The following FAM117B variants were observed in gnomAD, a reference collection of about 807,000 sequenced individuals.
The protein encoded by FAM117B is protein FAM117B.
FAM117B carries 22 observed loss-of-function variants against 52.8 expected under a neutral mutation model. The observed-to-expected ratio is 0.42, with a 90% CI of 0.30 to 0.59. The LOEUF (loss-of-function observed/expected upper bound fraction) is 0.59. Ranked by LOEUF, FAM117B falls within the 20% of genes least tolerant of loss-of-function variation. The pLI, the probability that FAM117B is intolerant of heterozygous loss-of-function variation, is 0.22. For synonymous variants in FAM117B, 309 were observed against 324.1 expected, an observed-to-expected ratio of 0.95 and a Z score of 0.50; for missense variants, 678 against 802.6, an observed-to-expected ratio of 0.84 and a Z score of 1.88.
intron 1 of FAM117B, among the ~76,000 whole-genome samples, chr2:202,668,040 G>T (rs1361065322): frequency 1.4e-5 from 2 of 146,622 alleles, no homozygotes; most frequent in South Asian, 2.1e-4. Context: ...ACACAGTAAG[G>T]CTCCATCTTT....
At chr2:202,728,936 C>T (rs1691298230) in intron 4 of FAM117B, among the ~76,000 whole-genome samples, 1 of 152,192 alleles carries the variant, frequency 6.6e-6, no homozygotes, top group Non-Finnish European at 1.5e-5. Context: ...ACACTTGACA[C>T]ATCAAGCGTC....
At chr2:202,668,475 C>T (rs1410383844) in intron 1 of FAM117B, among the ~76,000 whole-genome samples, 1 of 135,790 alleles carries the variant, frequency 7.4e-6, no homozygotes, top group Admixed American at 8.0e-5. Context: ...TTGCAGTGAG[C>T]TGAGATCACG....
intron 1 of FAM117B, among the ~76,000 whole-genome samples, chr2:202,685,660 G>T (rs1449074844): frequency 6.6e-6 from 1 of 152,166 alleles, no homozygotes; most frequent in Non-Finnish European, 1.5e-5. Flanking sequence ...CTCGATAAAG[G>T]TTCCTAAGGT....
rs532232945 is a variant in FAM117B, at chr2:202,686,802, G to A, written c.602-9079G>A. Among the ~76,000 whole-genome samples, 5 of 142,188 alleles carry A rather than the reference G, an allele frequency of 3.5e-5. No homozygotes were observed. The South Asian group carries it at 7.7e-4, about 22-fold the overall frequency. The allele number at this position is 142,188 out of a possible 152,430, so 93.3% of individuals were successfully genotyped here. A position where few individuals can be genotyped will look rare whatever the true frequency, so the allele number is the denominator to read the frequency against. The stretch of plus-strand genomic sequence containing the variant: ...CAGCCTGGACAACAGAATGAGATTC[G>A]GTCAAAAAAAAAAAAAGAGGTATTA... On this transcript the variant is annotated intron_variant, in intron 1 of 7. Transcript: ENST00000392238.
chr2:202,709,265 T>G (rs1490822674), intron 2 of FAM117B, among the ~76,000 whole-genome samples: 2 of 149,304 alleles, frequency 1.3e-5, no homozygotes, highest in Non-Finnish European at 3.0e-5. Flanking sequence ...TACAATGGAG[T>G]GATCTCAATT....
chr2:202,635,925 CG>C lies in FAM117B; in HGVS notation c.601+139del. 2 of 855,868 alleles carry C rather than the reference CG, an allele frequency of 2.3e-6. 1 individual carries two copies. Among genetic ancestry groups the C allele is most frequent in the Non-Finnish European group, 2.8e-6 (2 of 719,890 alleles). The allele number at this position is 855,868 out of a possible 1,614,324, so 53.0% of individuals were successfully genotyped here. ...GGGCGGGGCTGGGGGCGGTGCCGGG[CG>C]GTGGGGGACCCGGCAGTGCGGCCCC... On this transcript the variant is annotated intron_variant, in intron 1 of 7. Transcript: ENST00000392238.
At chr2:202,670,295 T>C (rs1423487151) in intron 1 of FAM117B, among the ~76,000 whole-genome samples, 1 of 146,606 alleles carries the variant, frequency 6.8e-6, no homozygotes, top group Non-Finnish European at 1.5e-5. Context: ...TTTCTTTTTT[T>C]TTTCTTTTTT....
chr2:202,653,167 C>A (rs1689981561), intron 1 of FAM117B, among the ~76,000 whole-genome samples: 1 of 152,004 alleles, frequency 6.6e-6, no homozygotes, highest in Non-Finnish European at 1.5e-5. Context: ...GCTTAGGGGG[C>A]TGCGGTGGAA....
At chr2:202,662,698 G>T (rs1204763676) in intron 1 of FAM117B, among the ~76,000 whole-genome samples, 1 of 151,996 alleles carries the variant, frequency 6.6e-6, no homozygotes, top group Non-Finnish European at 1.5e-5. Context: ...AAAATTAGCT[G>T]GGCATGGTGG....
chr2:202,757,800 AATACAAAGCCTTC>A (rs1691826544), intron 6 of FAM117B, among the ~76,000 whole-genome samples: 1 of 152,224 alleles, frequency 6.6e-6, no homozygotes, highest in East Asian at 1.9e-4. Context: ...TTTTTAAATC[AATACAAAGCCTTC>A]AAGTTAGTGT....
intron 4 of FAM117B, among the ~76,000 whole-genome samples, chr2:202,730,652 T>G (rs1282996856): frequency 6.6e-6 from 1 of 152,038 alleles, no homozygotes; most frequent in Non-Finnish European, 1.5e-5. Context: ...TTGGGGGAGA[T>G]AGAGTTCTCT....
chr2:202,648,525 C>A (rs545213664), intron 1 of FAM117B, among the ~76,000 whole-genome samples: 2 of 131,228 alleles, frequency 1.5e-5, no homozygotes, highest in South Asian at 2.9e-4. Context: ...CCCACCCCCC[C>A]CCCAAAACAA....
Position 202,635,626 on chromosome 2 carries a change from C to A in FAM117B, c.439C>A (p.Leu147Met). The change falls in exon 1 of 8, where the codon CTG becomes ATG. Residue 147 changes from leucine to methionine, a missense_variant. Leu to Met is a conservative substitution (Grantham distance 15). This residue lies in a region of FAM117B where 583 missense variants were observed against 644.8 expected (regional missense o/e 0.90). Transcript: ENST00000392238. Reference sequence around the variant, plus strand: ...ACGGCCGCCGCCGCCGCCGCCGCTGCTGGGCACCGTGTCGTCGCCCAGCTC... The same window carrying A: ...ACGGCCGCCGCCGCCGCCGCCGCTGATGGGCACCGTGTCGTCGCCCAGCTC... ...PPRPPPPPPL[L>M]GTVSSPSSSP... is the part of the protein sequence containing the mutation. 1 of 1,318,006 alleles carries A rather than the reference C, an allele frequency of 7.6e-7. No homozygotes were observed. The highest frequency in any genetic ancestry group is 2.1e-5 in the South Asian group (1 of 48,012). The allele number at this position is 1,318,006 out of a possible 1,614,324, so 81.6% of individuals were successfully genotyped here. A position where few individuals can be genotyped will look rare whatever the true frequency, so the allele number is the denominator to read the frequency against.
intron 4 of FAM117B, among the ~76,000 whole-genome samples, chr2:202,733,215 A>G (rs916500454): frequency 6.6e-6 from 1 of 152,134 alleles, no homozygotes; most frequent in African/African-American, 2.4e-5. Context: ...ATCACATGCT[A>G]TAAAGGGCAA....
At position 202,767,689 on chromosome 2, in the gene FAM117B, C is replaced by T. The variant is rs1692004594; in HGVS notation, c.*1925C>T. ...GGAAAACCTAGTGGTAGCAATAAATCTTTGGAAAGGACTTCTTATACTCAT... is the reference window on the plus strand; with the variant it reads ...GGAAAACCTAGTGGTAGCAATAAATTTTTGGAAAGGACTTCTTATACTCAT... On this transcript the variant is annotated 3_prime_UTR_variant, in exon 8 of 8. Coordinates refer to ENST00000392238, the MANE Select transcript of FAM117B (RefSeq NM_173511.4). The T allele has an allele frequency of 6.6e-6, 1 of 152,142 alleles. No homozygotes were observed. Among genetic ancestry groups the T allele is most frequent in the Non-Finnish European group, 1.5e-5 (1 of 68,020 alleles). 9.4% of individuals were successfully genotyped at this position (152,142 alleles called of 1,614,324 possible).
At chr2:202,679,340 T>C (rs980241443) in intron 1 of FAM117B, among the ~76,000 whole-genome samples, 1 of 152,102 alleles carries the variant, frequency 6.6e-6, no homozygotes. Flanking sequence ...GAGATAGGGA[T>C]TGGAATTCAG....
chr2:202,661,372 G>T (rs1559096661), intron 1 of FAM117B, among the ~76,000 whole-genome samples: 2 of 152,086 alleles, frequency 1.3e-5, no homozygotes, highest in African/African-American at 2.4e-5. Flanking sequence ...TGTAAAAATA[G>T]GAAAACAATT....
chr2:202,684,405 C>T (rs1428622227), intron 1 of FAM117B, among the ~76,000 whole-genome samples: 4 of 152,192 alleles, frequency 2.6e-5, no homozygotes, highest in African/African-American at 9.7e-5. Context: ...CATTTGTGGA[C>T]ATGTGTGCAG....
intron 1 of FAM117B, among the ~76,000 whole-genome samples, chr2:202,690,542 G>A (rs1690604595): frequency 1.3e-5 from 2 of 152,142 alleles, no homozygotes; most frequent in Non-Finnish European, 2.9e-5. Context: ...GTGGGTGGTT[G>A]AGGAAGATTT....
Sources: allele counts gnomAD v4.1 joint callset (sites outside exome capture counted in the v4.1 genomes callset), GRCh38; gene constraint gnomAD v4.1.1; regional missense constraint gnomAD v4.1.1; transcripts MANE v1.5; gene names NCBI Gene and HGNC (gene_info 2026-07-23, HGNC 2026-07-21).